PTCHD4: variants seen among roughly 807,000 people sequenced by gnomAD.
PTCHD4 encodes the protein patched domain-containing protein 4.
Under a neutral mutation model 58.1 loss-of-function variants are expected in PTCHD4, and 33 were observed. The observed-to-expected ratio is 0.57, with a 90% CI of 0.43 to 0.76. The LOEUF is 0.76. Among genes scored for constraint, PTCHD4 ranks in the 30% least tolerant of loss-of-function variants. The pLI is 0.00. For synonymous variants in PTCHD4, 478 were observed against 409.6 expected (o/e 1.17, Z -2.02); for missense variants, 1,058 against 1,027.1 (o/e 1.03, Z -0.41).
chr6:47,970,794 C>G (rs938736144), intron 4 of PTCHD4, among the ~76,000 whole-genome samples: 2 of 152,066 alleles, frequency 1.3e-5, no homozygotes, highest in Admixed American at 6.6e-5. Context: ...GGCCTCAGGC[C>G]CAGCAACACC....
rs1160410836 is a variant in PTCHD4 at position 48,068,948 on chromosome 6, C to T, written c.5+5G>A. Among the ~76,000 whole-genome samples the T allele has an allele frequency of 6.6e-6, 1 of 151,590 alleles. No individual in the cohort carries two copies. On this transcript the variant is annotated splice_donor_5th_base_variant and intron_variant, in intron 2 of 4. Coordinates refer to ENST00000339488, the MANE Select transcript of PTCHD4 (RefSeq NM_001384253.1). The surrounding 1 kb of genome is among the most constrained non-coding windows in gnomAD (Gnocchi z 4.2). The stretch of plus-strand genomic sequence containing the variant: ...GCCCTCGCCGCCTCCCGCGCTGGCT[C>T]TCACCGCATGAGCAGCGTTCCCTCG...
At chr6:47,981,888 A>C (rs1220692955) in intron 4 of PTCHD4, among the ~76,000 whole-genome samples, 1 of 152,142 alleles carries the variant, frequency 6.6e-6, no homozygotes, top group African/African-American at 2.4e-5. Flanking sequence ...ATCCAGGCTC[A>C]TTTTTGTGAG....
intron 1 of PTCHD4, among the ~76,000 whole-genome samples, chr6:48,092,471 A>G (rs1765385708): frequency 6.6e-6 from 1 of 152,226 alleles, no homozygotes; most frequent in African/African-American, 2.4e-5. Flanking sequence ...CTGTGGTGAA[A>G]TAACTACTGG....
chr6:47,896,355 A>G (rs1412175686), intron 4 of PTCHD4, among the ~76,000 whole-genome samples: 1 of 152,196 alleles, frequency 6.6e-6, no homozygotes, highest in Non-Finnish European at 1.5e-5. Flanking sequence ...TATCCTAACA[A>G]TTCTTTTTGG....
At chr6:48,013,331 T>C (rs1387210283) in intron 3 of PTCHD4, among the ~76,000 whole-genome samples, 1 of 151,898 alleles carries the variant, frequency 6.6e-6, no homozygotes, top group Admixed American at 6.6e-5. Context: ...TTTATCTCAA[T>C]GTTACTAACT....
rs1425517937 is a variant in PTCHD4 at position 48,068,403 on chromosome 6, G to C, written c.244C>G (p.Arg82Gly). ...GGGAAAAGGCTGCTGGCCAGGCTGC[G>C]CTCGATCTTGGCCAGGCTGTGGCTG... Reference protein sequence around the residue: ...APSHSLAKIERSLASSLFPLD... With the variant: ...APSHSLAKIEGSLASSLFPLD... Residue 82 changes from arginine (R) to glycine (G), a missense_variant, in exon 3 of 5, where the codon CGC becomes GGC. By Grantham distance (125) the Arg-to-Gly change is moderately radical. Transcript: ENST00000339488. This position sits in a 1 kb window ranked among gnomAD's most constrained non-coding sequence, Gnocchi z 4.2. The C allele has an allele frequency of 6.2e-7, 1 of 1,613,830 alleles. No individual in the cohort carries two copies. The highest frequency in any genetic ancestry group is 8.5e-7 in the Non-Finnish European group (1 of 1,179,892).
intron 4 of PTCHD4, among the ~76,000 whole-genome samples, chr6:47,924,764 A>G (rs950236581): frequency 2.6e-5 from 4 of 152,092 alleles, no homozygotes; most frequent in Non-Finnish European, 4.4e-5. Context: ...TAAGAATGCA[A>G]ATATAATCCT....
chr6:47,914,713 T>TCTGC (rs1765179342), intron 4 of PTCHD4, among the ~76,000 whole-genome samples: 2 of 61,066 alleles, frequency 3.3e-5, no homozygotes, highest in South Asian at 1.1e-3. Context: ...TGTCTGTCTC[T>TCTGC]CTGTCTGTCT....
At position 47,861,425 on chromosome 6, in the gene PTCHD4, T is replaced by C. The variant is rs1291546065; in HGVS notation, c.*16878A>G. 2.0e-5 allele frequency among the ~76,000 whole-genome samples: 3 copies of C among 151,984 alleles called. No homozygotes were observed. The highest frequency in any genetic ancestry group is 1.5e-5 in the Non-Finnish European group (1 of 67,920). On this transcript the variant is annotated 3_prime_UTR_variant, in exon 5 of 5. Coordinates refer to ENST00000339488, the MANE Select transcript of PTCHD4 (RefSeq NM_001384253.1). ...ACCTATTTACACTTACATTCACTAA[T>C]TTGTTTAAGTGTATTAATTTCAAAC...
chr6:48,032,897 T>G (rs1763499890), intron 3 of PTCHD4, among the ~76,000 whole-genome samples: 1 of 152,154 alleles, frequency 6.6e-6, no homozygotes, highest in African/African-American at 2.4e-5. Flanking sequence ...TCTACCTTTT[T>G]ACTGGAAACT....
At chr6:48,045,721 A>T (rs1764010795) in intron 3 of PTCHD4, among the ~76,000 whole-genome samples, 1 of 151,764 alleles carries the variant, frequency 6.6e-6, no homozygotes, top group Non-Finnish European at 1.5e-5. Flanking sequence ...CACAGCTATA[A>T]AGTAACAAGG....
rs1201669030 is a variant in PTCHD4, at chr6:47,961,830, C to T, written c.898+46804G>A. 2.6e-5 allele frequency among the ~76,000 whole-genome samples: 4 copies of T among 152,060 alleles called. No individual in the cohort carries two copies. The East Asian group carries it at 7.7e-4, about 29-fold the overall frequency. ...TTAGAAAAGAAGAAAGATCTTAAAT[C>T]AGACATCTCAGTTTCCACTTTAGGA... is the stretch of plus-strand genomic sequence containing the variant. On this transcript the variant is annotated intron_variant, in intron 4 of 4. Transcript: ENST00000339488.
intron 4 of PTCHD4, among the ~76,000 whole-genome samples, chr6:47,943,527 G>A (rs1222076381): frequency 2.6e-5 from 4 of 152,098 alleles, no homozygotes; most frequent in African/African-American, 9.7e-5. Context: ...TCAAGCAAGA[G>A]TCAATTACAG....
chr6:47,990,486 G>A (rs1374427748), intron 4 of PTCHD4, among the ~76,000 whole-genome samples: 2 of 152,092 alleles, frequency 1.3e-5, no homozygotes, highest in Middle Eastern at 3.2e-3. Context: ...AATCATGGGG[G>A]CAGTTTCCTC....
chr6:48,062,153 T>A (rs539127636), intron 3 of PTCHD4, among the ~76,000 whole-genome samples: 1 of 152,100 alleles, frequency 6.6e-6, no homozygotes, highest in Non-Finnish European at 1.5e-5. Context: ...AAATGCAACA[T>A]AAAGATTGCT....
At position 47,867,297 on chromosome 6, in the gene PTCHD4, C is replaced by T. The variant is rs1763592158; in HGVS notation, c.*11006G>A. 6.6e-6 allele frequency among the ~76,000 whole-genome samples: 1 copy of T among 151,752 alleles called. No individual in the cohort carries two copies. The highest frequency in any genetic ancestry group is 6.6e-5 in the Admixed American group (1 of 15,204). On this transcript the variant is annotated 3_prime_UTR_variant, in exon 5 of 5. Coordinates refer to ENST00000339488, the MANE Select transcript of PTCHD4 (RefSeq NM_001384253.1). ...GTTCCATCATCAGGAGAATCAAACT[C>T]ATGCTCTAAACTGGCTCTTGCAACC...
At chr6:47,936,442 A>G (rs1766002022) in intron 4 of PTCHD4, among the ~76,000 whole-genome samples, 1 of 152,202 alleles carries the variant, frequency 6.6e-6, no homozygotes, top group Non-Finnish European at 1.5e-5. Flanking sequence ...ATTTCCTCAA[A>G]CATAATTTCG....
At chr6:48,093,806 T>C (rs2113904846) in intron 1 of PTCHD4, among the ~76,000 whole-genome samples, 1 of 152,252 alleles carries the variant, frequency 6.6e-6, no homozygotes, top group South Asian at 2.1e-4. Context: ...TGAATAGGGA[T>C]GATGGGAAGG....
At chr6:47,930,055 A>G (rs1383677499) in intron 4 of PTCHD4, among the ~76,000 whole-genome samples, 1 of 152,142 alleles carries the variant, frequency 6.6e-6, no homozygotes, top group Non-Finnish European at 1.5e-5. Flanking sequence ...AGTTCTATTG[A>G]CTTTCATGCC....
Sources: allele counts gnomAD v4.1 joint callset (sites outside exome capture counted in the v4.1 genomes callset), GRCh38; gene constraint gnomAD v4.1.1; non-coding constraint Gnocchi (gnomAD v3.1); transcripts MANE v1.5; gene names NCBI Gene and HGNC (gene_info 2026-07-23, HGNC 2026-07-21).